MDGA2: variants seen among roughly 807,000 people sequenced by gnomAD.
MDGA2 encodes MAM domain containing glycosylphosphatidylinositol anchor 2.
A neutral mutation model predicts 117.8 loss-of-function variants in MDGA2; 40 were observed. The ratio of observed to expected loss-of-function variants is 0.34; its 90% CI spans 0.26 to 0.44. The LOEUF (loss-of-function observed/expected upper bound fraction) is 0.44. MDGA2 is among the 20% of genes least tolerant of loss of function. The probability of loss-of-function intolerance (pLI) is 1.00; values close to 1 mark genes in which losing one functional copy is unlikely to be tolerated. For synonymous variants in MDGA2, 452 were observed against 439.0 expected (o/e 1.03, Z -0.37); for missense variants, 1,123 against 1,250.6 (o/e 0.90, Z 1.54).
In MDGA2 at chr14:47,602,584, A is replaced by C. The variant is rs138288867; in HGVS notation, c.280+71933T>G. ...GTTTCCTGCAATGTCTCTATCAAAAACTATTTACAGTAAGGAAGAGTTTGC... is the reference window on the plus strand; with the variant it reads ...GTTTCCTGCAATGTCTCTATCAAAACCTATTTACAGTAAGGAAGAGTTTGC... On this transcript the variant is annotated intron_variant, in intron 1 of 16. Transcript: ENST00000399232. Among the ~76,000 whole-genome samples the C allele has an allele frequency of 8.9e-3, 1,354 of 152,262 alleles. 10 individuals are homozygous for C. The highest frequency in any genetic ancestry group is 0.031 in the Middle Eastern group (9 of 294).
At chr14:47,195,934 A>G (rs954453424) in intron 3 of MDGA2, among the ~76,000 whole-genome samples, 1 of 152,070 alleles carries the variant, frequency 6.6e-6, no homozygotes, top group Non-Finnish European at 1.5e-5. Context: ...GTATTAGCTA[A>G]TTTTAATTTG....
intron 8 of MDGA2, among the ~76,000 whole-genome samples, chr14:47,013,953 G>A (rs1342509386): frequency 4.0e-5 from 6 of 150,756 alleles, no homozygotes; most frequent in Non-Finnish European, 8.9e-5. Flanking sequence ...GCACCACCAC[G>A]CCTAGCTAAT....
intron 1 of MDGA2, among the ~76,000 whole-genome samples, chr14:47,565,081 T>C (rs183335510): frequency 5.3e-5 from 8 of 152,278 alleles, no homozygotes; most frequent in Admixed American, 5.2e-4. Context: ...TTATCTTTGC[T>C]CCTATCTGTA....
intron 5 of MDGA2, among the ~76,000 whole-genome samples, chr14:47,100,912 A>T (rs563235898): frequency 1.3e-5 from 2 of 152,156 alleles, no homozygotes; most frequent in Non-Finnish European, 2.9e-5. Flanking sequence ...CTATGGTGCC[A>T]GTCAGAATAC....
In MDGA2 at chr14:47,184,403, C is replaced by T. The variant is rs79887555; in HGVS notation, c.595+33618G>A. On this transcript the variant is annotated intron_variant, in intron 3 of 16. Transcript: ENST00000399232. ...ACATTTTTTTGTCCATGTAGTTAACCGGAAATCAACCCAGATAATGACAGA... is the reference window on the plus strand; with the variant it reads ...ACATTTTTTTGTCCATGTAGTTAACTGGAAATCAACCCAGATAATGACAGA... Among the ~76,000 whole-genome samples the T allele has an allele frequency of 2.8e-4, 42 of 151,840 alleles. No homozygotes were observed. The East Asian group carries it at 6.6e-3, about 24-fold the overall frequency.
intron 3 of MDGA2, among the ~76,000 whole-genome samples, chr14:47,167,873 T>G (rs1042395715): frequency 6.6e-6 from 1 of 152,204 alleles, no homozygotes; most frequent in Non-Finnish European, 1.5e-5. Flanking sequence ...AATGAGTGAC[T>G]GCTGCCTGTG....
At chr14:47,317,452 T>G (rs1428836441) in intron 1 of MDGA2, among the ~76,000 whole-genome samples, 2 of 152,142 alleles carry the variant, frequency 1.3e-5, no homozygotes, top group Non-Finnish European at 2.9e-5. Context: ...TGTTTTGAAT[T>G]ATTTTGTATC....
At chr14:47,490,066 C>T (rs780458402) in intron 1 of MDGA2, among the ~76,000 whole-genome samples, 1 of 152,144 alleles carries the variant, frequency 6.6e-6, no homozygotes, top group Non-Finnish European at 1.5e-5. Context: ...GTGATTGCTG[C>T]CTTAATGAGA....
intron 3 of MDGA2, among the ~76,000 whole-genome samples, chr14:47,182,835 CT>C (rs1566669884): frequency 6.6e-6 from 1 of 151,998 alleles, no homozygotes; most frequent in African/African-American, 2.4e-5. Context: ...AATTAGACTG[CT>C]TTTTTGGGTT....
chr14:47,365,309 G>A (rs1348291312), intron 1 of MDGA2, among the ~76,000 whole-genome samples: 1 of 152,198 alleles, frequency 6.6e-6, no homozygotes, highest in East Asian at 1.9e-4. Context: ...CTTCTGTTAA[G>A]GTTCTCCCGT....
At chr14:47,477,275 A>T (rs1011391791) in intron 1 of MDGA2, among the ~76,000 whole-genome samples, 2 of 152,024 alleles carry the variant, frequency 1.3e-5, no homozygotes, top group African/African-American at 2.4e-5. Flanking sequence ...CAATAAATAC[A>T]TTTTTTTTCA....
chr14:47,627,911 C>G (rs1897179401), intron 1 of MDGA2, among the ~76,000 whole-genome samples: 1 of 152,198 alleles, frequency 6.6e-6, no homozygotes, highest in African/African-American at 2.4e-5. Context: ...CCGCACACAT[C>G]CGAACATCAG....
chr14:47,063,112 C>T (rs765277216), intron 6 of MDGA2, among the ~76,000 whole-genome samples: 13 of 151,924 alleles, frequency 8.6e-5, no homozygotes, highest in Non-Finnish European at 1.5e-4. Context: ...ATTTATGATA[C>T]TTATGTCTAG....
intron 14 of MDGA2, among the ~76,000 whole-genome samples, chr14:46,865,029 C>T (rs941452904): frequency 1.3e-5 from 2 of 151,774 alleles, no homozygotes; most frequent in African/African-American, 4.8e-5. Flanking sequence ...GAAAAAAAAT[C>T]CCAATATGTG....
intron 3 of MDGA2, among the ~76,000 whole-genome samples, chr14:47,157,174 C>T (rs1883422198): frequency 6.6e-6 from 1 of 152,038 alleles, no homozygotes; most frequent in African/African-American, 2.4e-5. Flanking sequence ...TCATATCTTT[C>T]CTACATAGCA....
intron 1 of MDGA2, among the ~76,000 whole-genome samples, chr14:47,454,092 T>C (rs995439421): frequency 2.0e-5 from 3 of 152,222 alleles, no homozygotes; most frequent in African/African-American, 4.8e-5. Context: ...CCTCTGCTAC[T>C]AGAATTGTGA....
chr14:47,348,454 C>T (rs12587049), intron 1 of MDGA2, among the ~76,000 whole-genome samples: 67 of 152,150 alleles, frequency 4.4e-4, no homozygotes, highest in African/African-American at 1.5e-3. Context: ...TCAGGTGATC[C>T]GCCCACCTCA....
intron 1 of MDGA2, among the ~76,000 whole-genome samples, chr14:47,638,277 C>A (rs914202723): frequency 6.6e-5 from 10 of 152,148 alleles, no homozygotes; most frequent in Admixed American, 2.6e-4. Flanking sequence ...GTAGGAGTAA[C>A]AGGCAGAGAG....
chr14:47,075,530 C>T (rs1042435006), intron 6 of MDGA2, among the ~76,000 whole-genome samples: 1 of 152,078 alleles, frequency 6.6e-6, no homozygotes, highest in African/African-American at 2.4e-5. Flanking sequence ...GAATAATGGG[C>T]TATCAATGAA....
Sources: gnomAD v4.1 joint callset for allele counts (sites outside exome capture counted in the v4.1 genomes callset) on GRCh38, gnomAD v4.1.1 for gene constraint, MANE v1.5 for transcripts, NCBI Gene and HGNC (gene_info 2026-07-23, HGNC 2026-07-21) for gene names.